The following ZNF646 variants were observed in gnomAD, a reference collection of about 807,000 sequenced individuals.
The protein encoded by ZNF646 is zinc finger protein 646.
A neutral mutation model predicts 115.4 loss-of-function variants in ZNF646; 49 were observed. The ratio of observed to expected loss-of-function variants is 0.42; its 90% CI spans 0.34 to 0.54. The LOEUF is 0.54. Ranked by LOEUF, ZNF646 falls within the 20% of genes least tolerant of loss-of-function variation. The probability of loss-of-function intolerance (pLI) is 0.04; values close to 1 mark genes in which losing one functional copy is unlikely to be tolerated. For missense variants in ZNF646, 2,269 were observed against 2,457.9 expected (o/e 0.92, Z 1.62); for synonymous variants, 933 against 939.0 (o/e 0.99, Z 0.12).
rs1420688426 is a variant in ZNF646, at chr16:31,080,996, T to C, written c.4672T>C (p.Tyr1558His). The C allele has an allele frequency of 6.2e-7, 1 of 1,613,944 alleles. No homozygotes were observed. The highest frequency in any genetic ancestry group is 1.3e-5 in the African/African-American group (1 of 74,904). The change falls in exon 2 of 3, where the codon TAT (tyrosine) becomes CAT (histidine). Residue 1558 changes from tyrosine to histidine, a missense_variant. Coordinates refer to ENST00000300850, the MANE Select transcript of ZNF646 (RefSeq NM_014699.4). ...CAACACCAACAAGACAGACCGACAC[T>C]ATTGCCTGCTCTGCTCCAAGGAGTT... is the stretch of plus-strand genomic sequence containing the variant. ...NHNTNKTDRHYCLLCSKEFLN... is the reference protein window; with the variant it reads ...NHNTNKTDRHHCLLCSKEFLN...
rs771172580 is a variant in ZNF646 at position 31,080,480 on chromosome 16, C to G, written c.4156C>G (p.His1386Asp). 26 of 1,613,396 alleles carry G rather than the reference C, an allele frequency of 1.6e-5. No homozygotes were observed. The East Asian group carries it at 4.9e-4, about 30-fold the overall frequency. Residue 1386 changes from histidine (H) to aspartate (D), a missense_variant, in exon 2 of 3, where the codon CAT becomes GAT. By Grantham distance (81) the His-to-Asp change is moderately conservative. This residue lies in a region of ZNF646 where 1,062 missense variants were observed against 1,172.8 expected (regional missense o/e 0.91). Transcript: ENST00000300850. ...RGSLERHLRE[H>D]EETEREPANG... ...ATCTTTGGAGCGGCACCTGCGGGAG[C>G]ATGAGGAGACAGAAAGGGAGCCAGC...
rs1007810531 is a variant in ZNF646 at position 31,077,479 on chromosome 16, T to C, written c.1155T>C (p.His385=). 5.0e-6 allele frequency: 8 copies of C among 1,613,226 alleles called. No individual in the cohort carries two copies. The highest frequency in any genetic ancestry group is 6.8e-6 in the Non-Finnish European group (8 of 1,179,978). ...RCGDCGRTYR[H]AGSLINHRKS... ...GGGACTGTGGCCGTACTTACCGCCA[T>C]GCTGGGAGCCTCATCAACCATCGAA... Residue 385 remains histidine (H), a synonymous_variant, in exon 2 of 3, where the codon CAT becomes CAC. Transcript: ENST00000300850.
chr16:31,077,850 A>G lies in ZNF646; in HGVS notation c.1526A>G (p.Asn509Ser). ...TACCCCAATCTCATGGCCCTGCGCA[A>G]CCACGTGCGGGTACATTGCAAGGCT... ...RKYPNLMALR[N>S]HVRVHCKAAR... Residue 509 changes from asparagine to serine, a missense_variant, in exon 2 of 3, where the codon AAC becomes AGC. Around this residue, in one of 5 missense-constraint regions of ZNF646, gnomAD observed 852 missense variants for 900.2 expected, o/e 0.95. Transcript: ENST00000300850. 2 of 1,613,792 alleles carry G rather than the reference A, an allele frequency of 1.2e-6. No homozygotes were observed. The highest frequency in any genetic ancestry group is 1.7e-5 in the Admixed American group (1 of 60,008).
chr16:31,077,030 G>A lies in ZNF646; in HGVS notation c.706G>A (p.Glu236Lys). The A allele has an allele frequency of 1.2e-6, 2 of 1,613,990 alleles. No individual in the cohort carries two copies. The highest frequency in any genetic ancestry group is 1.7e-6 in the Non-Finnish European group (2 of 1,179,932). ...EPTQSPPAEE[E>K]RRYKCSQCGK... ...CACCCAGTCCCCTCCTGCTGAGGAG[G>A]AGCGGCGGTACAAATGTAGTCAGTG... The change falls in exon 2 of 3, where the codon GAG becomes AAG. Residue 236 changes from glutamate to lysine, a missense_variant. By Grantham distance (56) the Glu-to-Lys change is moderately conservative. Transcript: ENST00000300850.
In ZNF646 at chr16:31,077,608, A is replaced by G; in HGVS notation, c.1284A>G (p.Gln428=). Residue 428 remains glutamine, a synonymous_variant, in exon 2 of 3, where the codon CAA becomes CAG. Transcript: ENST00000300850. ...NHVRAHHRPR[Q]GVGENGQPSV... Reference sequence around the variant, plus strand: ...TGCGGGCTCATCACAGGCCCAGGCAAGGAGTTGGGGAAAATGGGCAGCCAT... The same window carrying G: ...TGCGGGCTCATCACAGGCCCAGGCAGGGAGTTGGGGAAAATGGGCAGCCAT... The G allele has an allele frequency of 6.2e-7, 1 of 1,613,720 alleles. No homozygotes were observed. The highest frequency in any genetic ancestry group is 8.5e-7 in the Non-Finnish European group (1 of 1,179,890).
In ZNF646 at chr16:31,080,225, T is replaced by C. The variant is rs1443936547; in HGVS notation, c.3901T>C (p.Cys1301Arg). 7 of 1,611,558 alleles carry C rather than the reference T, an allele frequency of 4.3e-6. No individual in the cohort carries two copies. Among genetic ancestry groups the C allele is most frequent in the Non-Finnish European group, 5.9e-6 (7 of 1,179,270 alleles). Residue 1301 changes from cysteine to arginine, a missense_variant, in exon 2 of 3, where the codon TGT (cysteine) becomes CGT (arginine). Cys to Arg is a radical substitution (Grantham distance 180, BLOSUM62 -3). This residue lies in a region of ZNF646 where 1,062 missense variants were observed against 1,172.8 expected (regional missense o/e 0.91). Transcript: ENST00000300850. The stretch of plus-strand genomic sequence containing the variant: ...GACTCGGGAAGATCGGCCCTTCCGC[T>C]GTGGGCAGTGCGGGCGGACCTATCG... ...KATREDRPFRCGQCGRTYRHA... is the reference protein window; with the variant it reads ...KATREDRPFRRGQCGRTYRHA...
Position 31,076,804 on chromosome 16 carries a change from G to A in ZNF646, c.480G>A (p.Ser160=), listed in dbSNP as rs540529886. 5.0e-6 allele frequency: 8 copies of A among 1,614,066 alleles called. No homozygotes were observed. The highest frequency in any genetic ancestry group is 2.2e-5 in the East Asian group (1 of 44,882). The change falls in exon 2 of 3, where the codon TCG becomes TCA. Residue 160 remains serine (S), a synonymous_variant. Coordinates refer to ENST00000300850, the MANE Select transcript of ZNF646 (RefSeq NM_014699.4). ...CTGTACCTGACCCCAGGGCAGCTTC[G>A]GGTACGTGGGAAGATCTGCCCACCA... is the stretch of plus-strand genomic sequence containing the variant. ...CESVPDPRAA[S]GTWEDLPTRQ...
At position 31,079,927 on chromosome 16, in the gene ZNF646, GC is replaced by G; in HGVS notation, c.3606del (p.Phe1203SerfsTer113). ...GCQTEASSERPFSCEVCGRSY... is the reference protein window; with the variant it reads ...GCQTEASSERXFSCEVCGRSY... ...GCCAGACTGAAGCCAGCTCTGAGCGGCCCTTCAGCTGCGAGGTGTGTGGCCG... is the reference window on the plus strand; with the variant it reads ...GCCAGACTGAAGCCAGCTCTGAGCGGCCTTCAGCTGCGAGGTGTGTGGCCG... On this transcript the variant is annotated frameshift_variant, in exon 2 of 3. Coordinates refer to ENST00000300850, the MANE Select transcript of ZNF646 (RefSeq NM_014699.4). LOFTEE classifies it high-confidence loss of function. This position sits in a 1 kb window ranked among gnomAD's most constrained non-coding sequence, Gnocchi z 5.5. 3 of 1,612,018 alleles carry G rather than the reference GC, an allele frequency of 1.9e-6. No homozygotes were observed. The highest frequency in any genetic ancestry group is 2.5e-6 in the Non-Finnish European group (3 of 1,178,714).
chr16:31,076,374 T>C lies in ZNF646; in HGVS notation c.50T>C (p.Phe17Ser), dbSNP rs761540712. ...SLSCSDCQRH[F>S]PSLPELSRHR... is the part of the protein sequence containing the mutation. The stretch of plus-strand genomic sequence containing the variant: ...AGCTGCTCCGACTGTCAGCGCCACT[T>C]TCCCAGCCTCCCAGAGCTCTCTCGG... Residue 17 changes from phenylalanine (F) to serine (S), a missense_variant, in exon 2 of 3, where the codon TTT (phenylalanine) becomes TCT (serine). By Grantham distance (155) the Phe-to-Ser change is radical. Around this residue, in one of 5 missense-constraint regions of ZNF646, gnomAD observed 334 missense variants for 323.5 expected, o/e 1.03. Coordinates refer to ENST00000300850, the MANE Select transcript of ZNF646 (RefSeq NM_014699.4). The C allele has an allele frequency of 1.2e-6, 2 of 1,613,680 alleles. No homozygotes were observed. Among genetic ancestry groups the C allele is most frequent in the South Asian group, 1.1e-5 (1 of 91,042 alleles).
At chr16:31,082,064 A>G (rs2057170105) in intron 2 of ZNF646, 1 of 406,994 alleles carries the variant, frequency 2.5e-6, no homozygotes, top group South Asian at 1.1e-4. Context: ...GTCAGCCAGT[A>G]AAGTAATGAC....
At chr16:31,076,040 G>A in intron 1 of ZNF646, 1 of 403,102 alleles carries the variant, frequency 2.5e-6, no homozygotes. Context: ...GATGACTTAA[G>A]CCTAGGGGAG....
At position 31,078,345 on chromosome 16, in the gene ZNF646, A is replaced by T; in HGVS notation, c.2021A>T (p.His674Leu). The T allele has an allele frequency of 3.7e-6, 6 of 1,613,416 alleles. No individual in the cohort carries two copies. Among genetic ancestry groups the T allele is most frequent in the South Asian group, 1.1e-5 (1 of 91,070 alleles). Residue 674 changes from histidine (H) to leucine (L), a missense_variant, in exon 2 of 3, where the codon CAT (histidine) becomes CTT (leucine). Around this residue, in one of 5 missense-constraint regions of ZNF646, gnomAD observed 852 missense variants for 900.2 expected, o/e 0.95. Coordinates refer to ENST00000300850, the MANE Select transcript of ZNF646 (RefSeq NM_014699.4). ...CACAGTCGGCGGCGGAGCAGGCGGCATCGGAAGCGGGCTGGCGGTGCCAGC... is the reference window on the plus strand; with the variant it reads ...CACAGTCGGCGGCGGAGCAGGCGGCTTCGGAAGCGGGCTGGCGGTGCCAGC... Reference protein sequence around the residue: ...RRHSRRRSRRHRKRAGGASGG... With the variant: ...RRHSRRRSRRLRKRAGGASGG...
chr16:31,083,924 T>C lies in ZNF646; in HGVS notation c.*832T>C. On this transcript the variant is annotated 3_prime_UTR_variant, in exon 3 of 3. Transcript: ENST00000300850. ...TCTTGGCCGCCATGACAGATGAGAATACTGAGGCTCAAAGCGGTTGAGCAG... is the reference window on the plus strand; with the variant it reads ...TCTTGGCCGCCATGACAGATGAGAACACTGAGGCTCAAAGCGGTTGAGCAG... The C allele has an allele frequency of 6.6e-7, 1 of 1,518,792 alleles. No homozygotes were observed. The highest frequency in any genetic ancestry group is 8.9e-7 in the Non-Finnish European group (1 of 1,127,614). The allele number at this position is 1,518,792 out of a possible 1,614,324, so 94.1% of individuals were successfully genotyped here. A position where few individuals can be genotyped will look rare whatever the true frequency, so the allele number is the denominator to read the frequency against.
Position 31,081,355 on chromosome 16 carries a change from C to G in ZNF646, c.5031C>G (p.Phe1677Leu), listed in dbSNP as rs2057155788. 1 of 1,613,732 alleles carries G rather than the reference C, an allele frequency of 6.2e-7. No homozygotes were observed. Among genetic ancestry groups the G allele is most frequent in the Non-Finnish European group, 8.5e-7 (1 of 1,179,838 alleles). ...CGGCTGAGGACAAGGAGCGGCCCTT[C>G]CGCTGCACCCAGTGCGGGCGCTCCT... ...SMAAEDKERPFRCTQCGRSYR... is the reference protein window; with the variant it reads ...SMAAEDKERPLRCTQCGRSYR... The change falls in exon 2 of 3, where the codon TTC becomes TTG. Residue 1677 changes from phenylalanine to leucine, a missense_variant. Around this residue, in one of 5 missense-constraint regions of ZNF646, gnomAD observed 1,062 missense variants for 1,172.8 expected, o/e 0.91. Transcript: ENST00000300850.
chr16:31,077,639 C>T lies in ZNF646; in HGVS notation c.1315C>T (p.Pro439Ser), dbSNP rs763686505. The change falls in exon 2 of 3, where the codon CCA (proline) becomes TCA (serine). Residue 439 changes from proline (P) to serine (S), a missense_variant. Around this residue, in one of 5 missense-constraint regions of ZNF646, gnomAD observed 852 missense variants for 900.2 expected, o/e 0.95. Coordinates refer to ENST00000300850, the MANE Select transcript of ZNF646 (RefSeq NM_014699.4). ...GVGENGQPSVPPAPLLLAETT... is the reference protein window; with the variant it reads ...GVGENGQPSVSPAPLLLAETT... ...TGGGGAAAATGGGCAGCCATCAGTC[C>T]CACCAGCTCCCCTGCTGCTGGCTGA... 7 of 1,613,874 alleles carry T rather than the reference C, an allele frequency of 4.3e-6. No homozygotes were observed. Among genetic ancestry groups the T allele is most frequent in the Non-Finnish European group, 5.9e-6 (7 of 1,179,936 alleles).
At position 31,078,737 on chromosome 16, in the gene ZNF646, T is replaced by C; in HGVS notation, c.2413T>C (p.Ser805Pro). Residue 805 changes from serine (S) to proline (P), a missense_variant, in exon 2 of 3, where the codon TCT (serine) becomes CCT (proline). Coordinates refer to ENST00000300850, the MANE Select transcript of ZNF646 (RefSeq NM_014699.4). ...GCCAGCCACTGGCCAACCCAACTCC[T>C]CTTCCCACTCTGCCAATGCTGTCAC... ...QKPATGQPNS[S>P]SHSANAVTGW... 1 of 1,613,894 alleles carries C rather than the reference T, an allele frequency of 6.2e-7. No individual in the cohort carries two copies. The highest frequency in any genetic ancestry group is 2.2e-5 in the East Asian group (1 of 44,874).
At chr16:31,081,868 G>C in intron 2 of ZNF646, 167 bp downstream of exon 2, 1 of 1,191,630 alleles carries the variant, frequency 8.4e-7, no homozygotes, top group South Asian at 1.7e-5. Flanking sequence ...AGGATGTGCT[G>C]AGCTGAGCAC....
Position 31,083,010 on chromosome 16 carries a change from C to T in ZNF646, c.5417C>T (p.Pro1806Leu). The change falls in exon 3 of 3, where the codon CCA (proline) becomes CTA (leucine). Residue 1806 changes from proline (P) to leucine (L), a missense_variant. Physicochemically the swap from Pro to Leu is moderately conservative, Grantham distance 98. This residue lies in a region of ZNF646 where 1,062 missense variants were observed against 1,172.8 expected (regional missense o/e 0.91). Coordinates refer to ENST00000300850, the MANE Select transcript of ZNF646 (RefSeq NM_014699.4). ...VAPVTGRGDLPLPPPPTPTTP... is the reference protein window; with the variant it reads ...VAPVTGRGDLLLPPPPTPTTP... ...CCAGTGACGGGCAGAGGGGACTTGC[C>T]ATTGCCCCCTCCACCCACCCCCACG... 1.2e-6 allele frequency: 2 copies of T among 1,602,422 alleles called. No homozygotes were observed. Among genetic ancestry groups the T allele is most frequent in the South Asian group, 1.1e-5 (1 of 89,554 alleles).
Position 31,080,420 on chromosome 16 carries a change from T to C in ZNF646, c.4096T>C (p.Cys1366Arg), listed in dbSNP as rs2057139951. 1.2e-6 allele frequency: 2 copies of C among 1,613,076 alleles called. No homozygotes were observed. Among genetic ancestry groups the C allele is most frequent in the Non-Finnish European group, 1.7e-6 (2 of 1,179,920 alleles). ...ACGGTCCAGGCGCACAGCTGTGCGT[T>C]GCGCCCTCTGTGGCCGCAGCTTCCC... ...AGRSRRTAVR[C>R]ALCGRSFPGR... Residue 1366 changes from cysteine to arginine, a missense_variant, in exon 2 of 3, where the codon TGC (cysteine) becomes CGC (arginine). This residue lies in a region of ZNF646 where 1,062 missense variants were observed against 1,172.8 expected (regional missense o/e 0.91). Coordinates refer to ENST00000300850, the MANE Select transcript of ZNF646 (RefSeq NM_014699.4).
Sources: allele counts gnomAD v4.1 joint callset, GRCh38; gene constraint gnomAD v4.1.1; regional missense constraint gnomAD v4.1.1; non-coding constraint Gnocchi (gnomAD v3.1); transcripts MANE v1.5; gene names NCBI Gene and HGNC (gene_info 2026-07-23, HGNC 2026-07-21).